The following EPHA3 variants were observed in gnomAD, a reference collection of about 807,000 sequenced individuals.
The protein encoded by EPHA3 is EPH receptor A3.
EPHA3 carries 42 observed loss-of-function variants against 107.1 expected under a neutral mutation model. The observed-to-expected ratio is 0.39, with a 90% confidence interval of 0.31 to 0.51. EPHA3 has a LOEUF of 0.51. Ranked by LOEUF, EPHA3 falls within the 20% of genes least tolerant of loss-of-function variation. The probability of loss-of-function intolerance (pLI) is 0.78; values close to 1 mark genes in which losing one functional copy is unlikely to be tolerated. For missense variants in EPHA3, 1,183 were observed against 1,211.2 expected (o/e 0.98, Z 0.35); for synonymous variants, 461 against 424.8 (o/e 1.09, Z -1.05).
rs189457632 is a variant in EPHA3 at position 89,145,423 on chromosome 3, A to G, written c.153+18150A>G. Among the ~76,000 whole-genome samples, 18 of 151,854 alleles carry G rather than the reference A, an allele frequency of 1.2e-4. No individual in the cohort carries two copies. The East Asian group carries it at 3.5e-3, about 30-fold the overall frequency. Reference sequence around the variant, plus strand: ...GAACATACTCAATTTCCAGATATGTATATACACATATATTATTTGAGCTAA... The same window carrying G: ...GAACATACTCAATTTCCAGATATGTGTATACACATATATTATTTGAGCTAA... On this transcript the variant is annotated intron_variant, in intron 2 of 16. Coordinates refer to ENST00000336596, the MANE Select transcript of EPHA3 (RefSeq NM_005233.6).
intron 13 of EPHA3, among the ~76,000 whole-genome samples, chr3:89,442,447 AT>A (rs1193816879): frequency 2.0e-5 from 3 of 152,156 alleles, no homozygotes; most frequent in African/African-American, 7.2e-5. Flanking sequence ...AATGGGGATG[AT>A]TTTGTTCCCC....
At position 89,199,886 on chromosome 3, in the gene EPHA3, A is replaced by T. The variant is rs536637240; in HGVS notation, c.154-9974A>T. Among the ~76,000 whole-genome samples, 6 of 152,304 alleles carry T rather than the reference A, an allele frequency of 3.9e-5. No individual in the cohort carries two copies. In the East Asian group the frequency reaches 1.2e-3, roughly 29 times the overall value. Reference sequence around the variant, plus strand: ...TGTCTGTACTTTGTATAATTTTGACATTTGGCACATTGCATGCCATTTAAT... The same window carrying T: ...TGTCTGTACTTTGTATAATTTTGACTTTTGGCACATTGCATGCCATTTAAT... On this transcript the variant is annotated intron_variant, in intron 2 of 16. Coordinates refer to ENST00000336596, the MANE Select transcript of EPHA3 (RefSeq NM_005233.6).
intron 3 of EPHA3, among the ~76,000 whole-genome samples, chr3:89,228,321 A>G (rs2107219824): frequency 6.6e-6 from 1 of 152,042 alleles, no homozygotes; most frequent in Middle Eastern, 3.4e-3. Flanking sequence ...TCCTTTGAAA[A>G]AATTGGACAA....
chr3:89,258,711 G>T lies in EPHA3; in HGVS notation c.814+48191G>T, dbSNP rs116582629. Among the ~76,000 whole-genome samples the T allele has an allele frequency of 7.8e-3, 1,181 of 152,300 alleles. 8 individuals are homozygous for T. Among genetic ancestry groups the T allele is most frequent in the Non-Finnish European group, 0.013 (913 of 68,034 alleles). ...TACATACATTACATATAATATAGCA[G>T]ATTATGCCACTTATTTGCTCAAAAT... On this transcript the variant is annotated intron_variant, in intron 3 of 16. Transcript: ENST00000336596.
chr3:89,408,001 C>T (rs1259321822), intron 8 of EPHA3, 66 bp from the exon 9 acceptor site: 5 of 1,423,170 alleles, frequency 3.5e-6, no homozygotes, highest in Non-Finnish European at 4.9e-6. Flanking sequence ...TTTGCACATT[C>T]TGAGCATAGG....
intron 3 of EPHA3, among the ~76,000 whole-genome samples, chr3:89,288,599 G>T (rs577215847): frequency 1.3e-5 from 2 of 152,234 alleles, no homozygotes; most frequent in South Asian, 2.1e-4. Flanking sequence ...GAGTGGAAAA[G>T]GGTTGCTATC....
chr3:89,210,333 G>T lies in EPHA3; in HGVS notation c.627G>T (p.Leu209=). Residue 209 remains leucine (L), a synonymous_variant, in exon 3 of 17, where the codon CTG becomes CTT. Coordinates refer to ENST00000336596, the MANE Select transcript of EPHA3 (RefSeq NM_005233.6). ...AGTGCCCATTTACAGTGAAGAATCT[G>T]GCTATGTTTCCAGACACGGTACCCA... ...FKKCPFTVKN[L]AMFPDTVPMD... 6.2e-7 allele frequency: 1 copy of T among 1,613,572 alleles called. No individual in the cohort carries two copies. The highest frequency in any genetic ancestry group is 1.1e-5 in the South Asian group (1 of 91,022).
At chr3:89,222,139 A>G (rs1486306286) in intron 3 of EPHA3, among the ~76,000 whole-genome samples, 4 of 151,856 alleles carry the variant, frequency 2.6e-5, no homozygotes, top group Non-Finnish European at 5.9e-5. Flanking sequence ...GATTGATAGG[A>G]GATGATGGCT....
intron 5 of EPHA3, among the ~76,000 whole-genome samples, chr3:89,356,346 C>T (rs550119948): frequency 6.6e-6 from 1 of 150,898 alleles, no homozygotes; most frequent in Non-Finnish European, 1.5e-5. Flanking sequence ...TGGGTATATA[C>T]CCAGTAATGG....
intron 15 of EPHA3, among the ~76,000 whole-genome samples, chr3:89,455,045 C>T (rs1710069644): frequency 1.3e-5 from 2 of 152,086 alleles, no homozygotes; most frequent in Non-Finnish European, 1.5e-5. Flanking sequence ...AGTCTTGCTT[C>T]TCCAATGTTA....
At chr3:89,309,625 G>T (rs774200640) in intron 3 of EPHA3, among the ~76,000 whole-genome samples, 2 of 152,050 alleles carry the variant, frequency 1.3e-5, no homozygotes, top group Non-Finnish European at 1.5e-5. Context: ...AGCACTAAGC[G>T]TAGCTAGATT....
intron 3 of EPHA3, among the ~76,000 whole-genome samples, chr3:89,280,071 A>G (rs1217298643): frequency 6.6e-6 from 1 of 151,830 alleles, no homozygotes; most frequent in Non-Finnish European, 1.5e-5. Context: ...ATTCATGCAC[A>G]TGTCAGAGAT....
rs76564986 is a variant in EPHA3 at position 89,373,599 on chromosome 3, T to C, written c.1307-22238T>C. ...GTGACAGGTGTCTCTGTTGGTGAAG[T>C]CTGCTAGTCAGTGGGAAACCAGGAT... On this transcript the variant is annotated intron_variant, in intron 5 of 16. Transcript: ENST00000336596. Among the ~76,000 whole-genome samples, 1,334 of 151,932 alleles carry C rather than the reference T, an allele frequency of 8.8e-3. 19 individuals carry two copies. Among genetic ancestry groups the C allele is most frequent in the African/African-American group, 0.03 (1,255 of 41,506 alleles).
At chr3:89,194,773 T>C (rs114269922) in intron 2 of EPHA3, among the ~76,000 whole-genome samples, 180 of 152,266 alleles carry the variant, frequency 1.2e-3, no homozygotes, top group African/African-American at 4.3e-3. Context: ...TATACAGTTA[T>C]TGAAATTCTC....
intron 3 of EPHA3, among the ~76,000 whole-genome samples, chr3:89,294,167 T>G (rs949085656): frequency 4.6e-5 from 7 of 152,154 alleles, no homozygotes; most frequent in African/African-American, 1.7e-4. Flanking sequence ...TTCTACAAAT[T>G]TTATAGTTTT....
intron 3 of EPHA3, among the ~76,000 whole-genome samples, chr3:89,278,838 T>G (rs1705872423): frequency 6.6e-6 from 1 of 152,144 alleles, no homozygotes; most frequent in Non-Finnish European, 1.5e-5. Context: ...CAAATTAACT[T>G]CCAAAAAGAG....
At chr3:89,267,636 C>T (rs1342099909) in intron 3 of EPHA3, among the ~76,000 whole-genome samples, 2 of 152,054 alleles carry the variant, frequency 1.3e-5, no homozygotes, top group African/African-American at 4.8e-5. Flanking sequence ...GGAAATATTG[C>T]TGTTTAGCTA....
chr3:89,458,988 T>C (rs1375150814), intron 15 of EPHA3, among the ~76,000 whole-genome samples: 1 of 152,026 alleles, frequency 6.6e-6, no homozygotes, highest in African/African-American at 2.4e-5. Flanking sequence ...TGAGAACGCA[T>C]GGACTCAGGG....
chr3:89,430,010 C>G (rs145451539), intron 12 of EPHA3, among the ~76,000 whole-genome samples: 2 of 152,216 alleles, frequency 1.3e-5, no homozygotes, highest in African/African-American at 4.8e-5. Context: ...ATGATCCGCC[C>G]TCCTCAGCCT....
Sources: allele counts gnomAD v4.1 joint callset (sites outside exome capture counted in the v4.1 genomes callset), GRCh38; gene constraint gnomAD v4.1.1; transcripts MANE v1.5; gene names NCBI Gene and HGNC (gene_info 2026-07-23, HGNC 2026-07-21).